Variants in DOCK5 observed in about 807,000 individuals in gnomAD.
DOCK5 encodes dedicator of cytokinesis 5.
DOCK5 carries 142 observed loss-of-function variants against 251.8 expected under a neutral mutation model. The observed-to-expected ratio is 0.56, with a 90% CI of 0.49 to 0.65. DOCK5 has a LOEUF of 0.65. Ranked by LOEUF, DOCK5 falls within the 30% of genes least tolerant of loss-of-function variation. The pLI is 0.00. For synonymous variants in DOCK5, 842 were observed against 835.5 expected (o/e 1.01, Z -0.13); for missense variants, 2,111 against 2,312.3 (o/e 0.91, Z 1.79).
chr8:25,198,907 T>C (rs1801800954), intron 1 of DOCK5, among the ~76,000 whole-genome samples: 1 of 152,202 alleles, frequency 6.6e-6, no homozygotes, highest in African/African-American at 2.4e-5. Context: ...CTGTGTCTCC[T>C]GGGTTTTTTC....
rs183039336 is a variant in DOCK5, at chr8:25,373,099, A to C, written c.3684+381A>C. Reference sequence around the variant, plus strand: ...ACCGCAACCTCCGCCTCCTGGGATCAAGCAATTTTCCTGCCTCAGCCTCCC... The same window carrying C: ...ACCGCAACCTCCGCCTCCTGGGATCCAGCAATTTTCCTGCCTCAGCCTCCC... On this transcript the variant is annotated intron_variant, in intron 35 of 51. Transcript: ENST00000276440. Among the ~76,000 whole-genome samples the C allele has an allele frequency of 7.2e-4, 109 of 151,688 alleles. 2 individuals are homozygous for C. The highest frequency in any genetic ancestry group is 2.5e-3 in the African/African-American group (105 of 41,318).
At chr8:25,213,364 CAAAAAAAAAA>C (rs34974024) in intron 1 of DOCK5, among the ~76,000 whole-genome samples, 2 of 74,626 alleles carry the variant, frequency 2.7e-5, no homozygotes, top group Non-Finnish European at 5.6e-5. Context: ...ATGAATGTAG[CAAAAAAAAAA>C]AAAAAAAAAA....
chr8:25,365,499 C>T (rs1472753257), intron 30 of DOCK5, among the ~76,000 whole-genome samples: 4 of 152,256 alleles, frequency 2.6e-5, no homozygotes, highest in Admixed American at 1.3e-4. Context: ...TGAAAGTATA[C>T]TCCACAGAGT....
intron 46 of DOCK5, 99 bp from the exon 47 acceptor site, chr8:25,400,830 G>A (rs1325498625): frequency 3.7e-6 from 5 of 1,356,176 alleles, no homozygotes; most frequent in Admixed American, 1.8e-5. Flanking sequence ...ACTATGTCTA[G>A]CAGTTTACCT....
At position 25,351,723 on chromosome 8, in the gene DOCK5, C is replaced by T. The variant is rs1290311053; in HGVS notation, c.2755-8C>T. 1.2e-6 allele frequency: 2 copies of T among 1,610,778 alleles called. No homozygotes were observed. Among genetic ancestry groups the T allele is most frequent in the Non-Finnish European group, 8.5e-7 (1 of 1,177,972 alleles). The stretch of plus-strand genomic sequence containing the variant: ...AAGGAATGGAGTCAAATCCTGTGTT[C>T]CCTGCAGGGTGCCACTGCGGTGCAC... On this transcript the variant is annotated splice_polypyrimidine_tract_variant and splice_region_variant and intron_variant, in intron 26 of 51. Transcript: ENST00000276440.
intron 22 of DOCK5, among the ~76,000 whole-genome samples, chr8:25,340,199 G>GTTCTT (rs1454912259): frequency 6.6e-6 from 1 of 152,198 alleles, no homozygotes. Flanking sequence ...TGCAAATAAA[G>GTTCTT]TTCTTTTCTA....
At chr8:25,397,283 T>C in intron 45 of DOCK5, among the ~76,000 whole-genome samples, 2 of 151,800 alleles carry the variant, frequency 1.3e-5, no homozygotes, top group Non-Finnish European at 2.9e-5. Context: ...GTTTGGAAGA[T>C]TAAGGGAGAC....
chr8:25,395,764 G>A, intron 45 of DOCK5, 45 bp downstream of exon 45: 1 of 1,586,474 alleles, frequency 6.3e-7, no homozygotes, highest in South Asian at 1.1e-5. Context: ...AGACCTGGGT[G>A]TCTGTGTGCC....
At chr8:25,230,586 C>T (rs757357214) in intron 1 of DOCK5, among the ~76,000 whole-genome samples, 16 of 152,120 alleles carry the variant, frequency 1.1e-4, no homozygotes, top group Non-Finnish European at 2.1e-4. Context: ...CATGGTGACT[C>T]ATGCCTGTAA....
chr8:25,382,408 G>A (rs936144620), intron 39 of DOCK5, among the ~76,000 whole-genome samples: 1 of 152,154 alleles, frequency 6.6e-6, no homozygotes, highest in African/African-American at 2.4e-5. Context: ...GTTGTGCACT[G>A]CCCCGTTACG....
Position 25,266,838 on chromosome 8 carries a change from G to A in DOCK5, c.128-2007G>A, listed in dbSNP as rs574510706. Among the ~76,000 whole-genome samples the A allele has an allele frequency of 4.9e-3, 540 of 111,056 alleles. 13 individuals carry two copies. The highest frequency in any genetic ancestry group is 0.013 in the African/African-American group (513 of 38,046). 72.9% of individuals were successfully genotyped at this position (111,056 alleles called of 152,430 possible). ...CACAATTCTAGAGAAGACATAGGAGGTTAAAAAAAAAAGTTTTTTCAACAA... is the reference window on the plus strand; with the variant it reads ...CACAATTCTAGAGAAGACATAGGAGATTAAAAAAAAAAGTTTTTTCAACAA... On this transcript the variant is annotated intron_variant, in intron 2 of 51. Transcript: ENST00000276440.
At chr8:25,351,692 A>G in intron 26 of DOCK5, 39 bp from the exon 27 acceptor site, 1 of 1,529,862 alleles carries the variant, frequency 6.5e-7, no homozygotes, top group Non-Finnish European at 9.0e-7. Context: ...AGTGAAACTG[A>G]GTCAGAAGGA....
intron 1 of DOCK5, among the ~76,000 whole-genome samples, chr8:25,192,586 G>A (rs932943273): frequency 2.0e-5 from 3 of 152,094 alleles, no homozygotes; most frequent in Non-Finnish European, 4.4e-5. Flanking sequence ...GCTCACTGCT[G>A]CCTGGACTTC....
chr8:25,361,769 G>A (rs1349845625), intron 28 of DOCK5, among the ~76,000 whole-genome samples: 2 of 152,126 alleles, frequency 1.3e-5, no homozygotes, highest in African/African-American at 4.8e-5. Context: ...GCCGGCCAGG[G>A]AGAGTCATTC....
At chr8:25,308,960 C>CTGAGGG in intron 12 of DOCK5, 35 bp downstream of exon 12, 1 of 1,523,586 alleles carries the variant, frequency 6.6e-7, no homozygotes, top group East Asian at 2.3e-5. Context: ...AGGGACTCTG[C>CTGAGGG]TGAGGGTGGG....
intron 36 of DOCK5, among the ~76,000 whole-genome samples, chr8:25,374,323 G>A (rs540774625): frequency 6.6e-6 from 1 of 152,184 alleles, no homozygotes; most frequent in East Asian, 1.9e-4. Flanking sequence ...GGGCAGCATG[G>A]TGAAACCCTG....
intron 19 of DOCK5, 97 bp downstream of exon 19, chr8:25,332,445 C>G: frequency 1.7e-6 from 2 of 1,211,506 alleles, no homozygotes; most frequent in Non-Finnish European, 2.3e-6. Flanking sequence ...TTAAATCATT[C>G]ATTGTAAATA....
chr8:25,239,050 C>CT (rs1802874029), intron 1 of DOCK5, among the ~76,000 whole-genome samples: 1 of 152,128 alleles, frequency 6.6e-6, no homozygotes, highest in South Asian at 2.1e-4. Context: ...TAATCGGGAG[C>CT]TAGTAGCCAT....
chr8:25,306,875 G>T (rs1206681791), intron 11 of DOCK5, among the ~76,000 whole-genome samples: 2 of 152,102 alleles, frequency 1.3e-5, no homozygotes, highest in Non-Finnish European at 2.9e-5. Flanking sequence ...AGACAACATA[G>T]AGTGTACTTA....
Sources: allele counts gnomAD v4.1 joint callset (sites outside exome capture counted in the v4.1 genomes callset), GRCh38; gene constraint gnomAD v4.1.1; transcripts MANE v1.5; gene names NCBI Gene and HGNC (gene_info 2026-07-23, HGNC 2026-07-21).